The following EXOC2 variants were observed in gnomAD, a reference collection of about 807,000 sequenced individuals.
EXOC2 encodes the protein exocyst complex component 2, also known as SEC5-like 1.
EXOC2 carries 70 observed loss-of-function variants against 131.8 expected under a neutral mutation model. That is an observed-to-expected ratio of 0.53 (90% CI 0.44 to 0.65). The LOEUF (loss-of-function observed/expected upper bound fraction) is 0.65. EXOC2 is among the 30% of genes least tolerant of loss of function. EXOC2 has a pLI of 0.00. For missense variants in EXOC2, 923 were observed against 1,108.6 expected, an observed-to-expected ratio of 0.83 and a Z score of 2.38; for synonymous variants, 411 against 398.4, an observed-to-expected ratio of 1.03 and a Z score of -0.38.
At chr6:670,966 G>A (rs1384373612) in intron 1 of EXOC2, among the ~76,000 whole-genome samples, 2 of 147,822 alleles carry the variant, frequency 1.4e-5, no homozygotes, top group Admixed American at 7.0e-5. Flanking sequence ...TGTAGTCCCA[G>A]CTACTTAGGA....
At chr6:518,850 T>A (rs1310826233) in intron 23 of EXOC2, among the ~76,000 whole-genome samples, 2 of 152,210 alleles carry the variant, frequency 1.3e-5, no homozygotes, top group African/African-American at 2.4e-5. Flanking sequence ...AATATCTACC[T>A]CCAAACTTCG....
chr6:637,415 T>G (rs759072882), intron 2 of EXOC2, among the ~76,000 whole-genome samples: 2 of 152,188 alleles, frequency 1.3e-5, no homozygotes, highest in Non-Finnish European at 2.9e-5. Flanking sequence ...AAGCAGCTCT[T>G]TTGACAATCA....
chr6:595,613 C>G (rs1453701925), intron 10 of EXOC2, among the ~76,000 whole-genome samples: 1 of 151,964 alleles, frequency 6.6e-6, no homozygotes, highest in Non-Finnish European at 1.5e-5. Flanking sequence ...ATAAAAACTG[C>G]ACATGAGTTA....
chr6:659,811 A>T (rs1303646750), intron 1 of EXOC2, among the ~76,000 whole-genome samples: 1 of 152,150 alleles, frequency 6.6e-6, no homozygotes, highest in Non-Finnish European at 1.5e-5. Flanking sequence ...GGAGAAGGAA[A>T]TCTCTAACTG....
Position 685,869 on chromosome 6 carries a change from C to CTTTTTTTTTTTTTTTTT in EXOC2, c.-44+7133_-44+7149dup, listed in dbSNP as rs58892194. Among the ~76,000 whole-genome samples the CTTTTTTTTTTTTTTTTT allele has an allele frequency of 2.1e-4, 21 of 98,240 alleles. 5 individuals are homozygous for CTTTTTTTTTTTTTTTTT. Among genetic ancestry groups the CTTTTTTTTTTTTTTTTT allele is most frequent in the Non-Finnish European group, 3.3e-4 (16 of 48,726 alleles). The allele number at this position is 98,240 out of a possible 152,430, so 64.4% of individuals were successfully genotyped here. Reference sequence around the variant, plus strand: ...TAATGTATCCTGCTTTCCTGGACCTCTTTTTTTTTTTTTTTTTTTTTTTTG... The same window carrying CTTTTTTTTTTTTTTTTT: ...TAATGTATCCTGCTTTCCTGGACCTCTTTTTTTTTTTTTTTTTTTTTTTTTTTTTTTTTTTTTTTTTG... On this transcript the variant is annotated intron_variant, in intron 1 of 27. Coordinates refer to ENST00000230449, the MANE Select transcript of EXOC2 (RefSeq NM_018303.6).
At chr6:549,323 C>T (rs1436556401) in intron 21 of EXOC2, 32 bp from the exon 22 acceptor site, 2 of 1,500,922 alleles carry the variant, frequency 1.3e-6, no homozygotes, top group Admixed American at 1.7e-5. Context: ...AGAAAATCAC[C>T]TTTATGGTGC....
intron 22 of EXOC2, among the ~76,000 whole-genome samples, chr6:537,249 G>C (rs530226033): frequency 1.7e-3 from 140 of 84,796 alleles, no homozygotes; most frequent in African/African-American, 4.1e-3. Flanking sequence ...GCCGACGGAG[G>C]GCACACACGA....
rs139421733 is a variant in EXOC2, at chr6:551,532, G to T, written c.2122-2241C>A. Among the ~76,000 whole-genome samples the T allele has an allele frequency of 2.4e-3, 359 of 152,234 alleles. 3 individuals are homozygous for T. Among genetic ancestry groups the T allele is most frequent in the Non-Finnish European group, 3.5e-3 (235 of 68,028 alleles). On this transcript the variant is annotated intron_variant, in intron 21 of 27. Coordinates refer to ENST00000230449, the MANE Select transcript of EXOC2 (RefSeq NM_018303.6). ...ATGTGAGTCAGCTGAGAGCTGCCGC[G>T]TCACAGGGAGTCCAGGGCTGACTCT...
chr6:612,061 G>C (rs1760742123), intron 6 of EXOC2, among the ~76,000 whole-genome samples: 1 of 152,206 alleles, frequency 6.6e-6, no homozygotes, highest in African/African-American at 2.4e-5. Flanking sequence ...GTGTAGGGTA[G>C]TATCTAAAGG....
chr6:524,488 T>TA (rs1765640577), intron 23 of EXOC2, among the ~76,000 whole-genome samples: 1 of 152,218 alleles, frequency 6.6e-6, no homozygotes, highest in Admixed American at 6.5e-5. Flanking sequence ...AAATAATTGT[T>TA]ACAATTTTTT....
chr6:497,468 G>C lies in EXOC2; in HGVS notation c.2458C>G (p.Leu820Val). ...HAEVFTISKE[L>V]VPRVLSKVIE... ...ACCTTGGATAGTACCCGAGGGACCA[G>C]TTCTTTGGAAATGGTGAACACCTGG... Residue 820 changes from leucine (L) to valine (V), a missense_variant, in exon 25 of 28, where the codon CTG becomes GTG. Leu to Val is a conservative substitution (Grantham distance 32). Coordinates refer to ENST00000230449, the MANE Select transcript of EXOC2 (RefSeq NM_018303.6). 5 of 1,612,348 alleles carry C rather than the reference G, an allele frequency of 3.1e-6. No individual in the cohort carries two copies. Among genetic ancestry groups the C allele is most frequent in the Non-Finnish European group, 4.2e-6 (5 of 1,179,212 alleles).
intron 2 of EXOC2, among the ~76,000 whole-genome samples, chr6:636,177 G>A (rs1466470471): frequency 1.3e-5 from 2 of 152,232 alleles, no homozygotes; most frequent in African/African-American, 4.8e-5. Context: ...TCATGTTTGG[G>A]AGCGCACAAT....
At chr6:597,475 C>T (rs571068677) in intron 10 of EXOC2, among the ~76,000 whole-genome samples, 6 of 152,164 alleles carry the variant, frequency 3.9e-5, no homozygotes, top group African/African-American at 1.2e-4. Context: ...CCACGGTGCC[C>T]GGCCCAATAT....
chr6:630,677 AAT>A (rs1761801357), intron 3 of EXOC2, among the ~76,000 whole-genome samples: 1 of 152,160 alleles, frequency 6.6e-6, no homozygotes, highest in Non-Finnish European at 1.5e-5. Flanking sequence ...TGTTTTCATG[AAT>A]AGTTATGCAA....
intron 12 of EXOC2, among the ~76,000 whole-genome samples, chr6:576,394 A>G (rs985678102): frequency 7.2e-5 from 11 of 152,220 alleles, no homozygotes; most frequent in African/African-American, 2.4e-5. Context: ...TTTCATCAAA[A>G]AAGGTATACT....
chr6:508,266 G>A (rs1326373361), intron 23 of EXOC2, among the ~76,000 whole-genome samples: 1 of 151,636 alleles, frequency 6.6e-6, no homozygotes, highest in East Asian at 1.9e-4. Context: ...CCAGAGGGGT[G>A]CATTTGTTAC....
At chr6:625,348 A>C (rs1761502588) in intron 4 of EXOC2, among the ~76,000 whole-genome samples, 1 of 152,258 alleles carries the variant, frequency 6.6e-6, no homozygotes, top group Non-Finnish European at 1.5e-5. Context: ...TGCGGCAAAG[A>C]GAACACACTT....
Position 680,140 on chromosome 6 carries a change from TC to T in EXOC2, c.-44+12878del, listed in dbSNP as rs1343792806. On this transcript the variant is annotated intron_variant, in intron 1 of 27. Transcript: ENST00000230449. ...TTCTGTGTCTTGTTTTAGCTGCCTC[TC>T]CCCTTCAACATACTTTCATGTTGTT... 5.9e-5 allele frequency among the ~76,000 whole-genome samples: 9 copies of T among 152,292 alleles called. No individual in the cohort carries two copies. In the East Asian group the frequency reaches 1.5e-3, roughly 26 times the overall value.
Position 576,756 on chromosome 6 carries a change from C to T in EXOC2, c.1318+1G>A. The T allele has an allele frequency of 6.2e-7, 1 of 1,613,408 alleles. No homozygotes were observed. Among genetic ancestry groups the T allele is most frequent in the Non-Finnish European group, 8.5e-7 (1 of 1,179,664 alleles). ...CAGTGGCAGTGGAGGGAGATACTTA[C>T]TGTCGTCTCGACCAGACTGAAAGCT... On this transcript the variant is annotated splice_donor_variant, in intron 12 of 27. Coordinates refer to ENST00000230449, the MANE Select transcript of EXOC2 (RefSeq NM_018303.6). LOFTEE classifies it high-confidence loss of function.
Sources: allele counts gnomAD v4.1 joint callset (sites outside exome capture counted in the v4.1 genomes callset), GRCh38; gene constraint gnomAD v4.1.1; transcripts MANE v1.5; gene names NCBI Gene and HGNC (gene_info 2026-07-23, HGNC 2026-07-21).